Variants in LUC7L3 observed in about 807,000 individuals in gnomAD.
The protein encoded by LUC7L3 is luc7-like protein 3.
LUC7L3 carries 6 observed loss-of-function variants against 66.8 expected under a neutral mutation model. The observed-to-expected ratio is 0.09, with a 90% CI of 0.05 to 0.18. The LOEUF (loss-of-function observed/expected upper bound fraction) is 0.18, where lower values mean the gene tolerates loss of function less well. Among genes scored for constraint, LUC7L3 ranks in the 10% least tolerant of loss-of-function variants. The pLI, the probability that LUC7L3 is intolerant of heterozygous loss-of-function variation, is 1.00. For synonymous variants in LUC7L3, 160 were observed against 174.7 expected, an observed-to-expected ratio of 0.92 and a Z score of 0.66; for missense variants, 341 against 531.1, an observed-to-expected ratio of 0.64 and a Z score of 3.52.
At chr17:50,721,632 C>T (rs1024137895) in intron 1 of LUC7L3, among the ~76,000 whole-genome samples, 1 of 152,198 alleles carries the variant, frequency 6.6e-6, no homozygotes, top group African/African-American at 2.4e-5. Context: ...TGAGCAAAAA[C>T]AAAGCACATG....
chr17:50,741,710 A>G lies in LUC7L3; in HGVS notation c.405A>G (p.Lys135=). The stretch of plus-strand genomic sequence containing the variant: ...AAAAAATTCAGGTTCTAACAGACAA[A>G]ATTGATGTACTTCTGCAACAGGTGA... ...NEEKIQVLTD[K]IDVLLQQIEE... is the part of the protein sequence containing the mutation. The change falls in exon 5 of 10, where the codon AAA becomes AAG. Residue 135 remains lysine (K), a synonymous_variant. Coordinates refer to ENST00000505658, the MANE Select transcript of LUC7L3 (RefSeq NM_016424.5). The G allele has an allele frequency of 6.2e-7, 1 of 1,613,928 alleles. No homozygotes were observed. The highest frequency in any genetic ancestry group is 1.3e-5 in the African/African-American group (1 of 75,056).
chr17:50,724,036 CT>C (rs1483774422), intron 1 of LUC7L3: 1 of 443,990 alleles, frequency 2.3e-6, no homozygotes, highest in Non-Finnish European at 4.6e-6. Flanking sequence ...ATTTGCTTTT[CT>C]TCCCAAAACA....
At chr17:50,747,085 T>A (rs910496172) in intron 9 of LUC7L3, among the ~76,000 whole-genome samples, 3 of 152,148 alleles carry the variant, frequency 2.0e-5, no homozygotes, top group African/African-American at 7.2e-5. Context: ...GAGTGTACAT[T>A]GTTGCATTAA....
Position 50,719,704 on chromosome 17 carries a change from G to C in LUC7L3, c.-29G>C, listed in dbSNP as rs1310732636. On this transcript the variant is annotated 5_prime_UTR_variant, in exon 1 of 10. Coordinates refer to ENST00000505658, the MANE Select transcript of LUC7L3 (RefSeq NM_016424.5). ...GTTTTCGTTGGCGGGTGCCTGGGCT[G>C]GTGGGAACAGCCGCCCGAAGGAAGC... 6.3e-7 allele frequency: 1 copy of C among 1,586,214 alleles called. No homozygotes were observed.
chr17:50,752,185 A>G lies in LUC7L3; in HGVS notation c.*1524A>G. The G allele has an allele frequency of 1.6e-6, 2 of 1,283,970 alleles. No homozygotes were observed. The highest frequency in any genetic ancestry group is 2.0e-6 in the Non-Finnish European group (2 of 986,302). 79.5% of individuals were successfully genotyped at this position (1,283,970 alleles called of 1,614,324 possible). ...GTTGTCTAATTATCATTTTTCCCCA[A>G]ATTTTGCGTTGTAGGACTACTGTTC... On this transcript the variant is annotated 3_prime_UTR_variant, in exon 10 of 10. Coordinates refer to ENST00000505658, the MANE Select transcript of LUC7L3 (RefSeq NM_016424.5).
At chr17:50,736,398 A>T (rs1371828151) in intron 1 of LUC7L3, among the ~76,000 whole-genome samples, 2 of 152,144 alleles carry the variant, frequency 1.3e-5, no homozygotes, top group East Asian at 1.9e-4. Flanking sequence ...TTTGAGACCA[A>T]CCTGGGCAAT....
rs777664301 is a variant in LUC7L3, at chr17:50,754,337, CTTT to C, written c.*3678_*3680del. ...TCATCACCAACAAGACTCATGACCA[CTTT>C]TATACTTCATGAGTGATTGTATTTG... On this transcript the variant is annotated 3_prime_UTR_variant, in exon 10 of 10. Transcript: ENST00000505658. The C allele has an allele frequency of 1.4e-4, 21 of 152,162 alleles. No homozygotes were observed. Among genetic ancestry groups the C allele is most frequent in the Admixed American group, 2.6e-4 (4 of 15,272 alleles). The allele number at this position is 152,162 out of a possible 1,614,324, so 9.4% of individuals were successfully genotyped here. A position where few individuals can be genotyped will look rare whatever the true frequency, so the allele number is the denominator to read the frequency against.
At chr17:50,727,646 A>G (rs1567858409) in intron 1 of LUC7L3, among the ~76,000 whole-genome samples, 1 of 152,206 alleles carries the variant, frequency 6.6e-6, no homozygotes, top group Non-Finnish European at 1.5e-5. Flanking sequence ...TACCTAAAGG[A>G]TTGGCAGGAA....
rs192451527 is a variant in LUC7L3 at position 50,728,295 on chromosome 17, A to G, written c.99+8464A>G. On this transcript the variant is annotated intron_variant, in intron 1 of 9. Coordinates refer to ENST00000505658, the MANE Select transcript of LUC7L3 (RefSeq NM_016424.5). ...CAATAAATAGTGAATCATACCTGCA[A>G]AGGTATACGTAATAAAATTAAAGGC... 7.2e-3 allele frequency among the ~76,000 whole-genome samples: 1,094 copies of G among 152,308 alleles called. 8 individuals carry two copies. Among genetic ancestry groups the G allele is most frequent in the South Asian group, 0.024 (116 of 4,828 alleles).
chr17:50,731,269 A>G (rs866528351), intron 1 of LUC7L3, among the ~76,000 whole-genome samples: 5 of 152,120 alleles, frequency 3.3e-5, no homozygotes, highest in South Asian at 4.1e-4. Context: ...CCCGGGTTCA[A>G]GCGATTCTCC....
At chr17:50,748,643 A>C (rs1970824299) in intron 9 of LUC7L3, among the ~76,000 whole-genome samples, 1 of 152,080 alleles carries the variant, frequency 6.6e-6, no homozygotes, top group South Asian at 2.1e-4. Context: ...ACTTTTCGTT[A>C]AGCGGAATAA....
intron 9 of LUC7L3, among the ~76,000 whole-genome samples, chr17:50,750,205 G>GT (rs1400544485): frequency 5.9e-5 from 9 of 151,998 alleles, no homozygotes; most frequent in Non-Finnish European, 8.8e-5. Context: ...GCTTTTTGAT[G>GT]TTTTTTACCC....
rs181738653 is a variant in LUC7L3, at chr17:50,754,736, C to T, written c.*4075C>T. The T allele has an allele frequency of 2.0e-5, 3 of 152,200 alleles. No homozygotes were observed. The highest frequency in any genetic ancestry group is 7.2e-5 in the African/African-American group (3 of 41,546). The allele number at this position is 152,200 out of a possible 1,614,324, so 9.4% of individuals were successfully genotyped here. A position where few individuals can be genotyped will look rare whatever the true frequency, so the allele number is the denominator to read the frequency against. ...GATCTTGAGCTTATAATAACCTAGT[C>T]ATATTGCTCAGCTCAGATATTTTTA... On this transcript the variant is annotated 3_prime_UTR_variant, in exon 10 of 10. Coordinates refer to ENST00000505658, the MANE Select transcript of LUC7L3 (RefSeq NM_016424.5).
In LUC7L3 at chr17:50,755,936, C is replaced by T. The variant is rs1162899306; in HGVS notation, c.*5275C>T. The T allele has an allele frequency of 6.6e-6, 1 of 151,854 alleles. No individual in the cohort carries two copies. The highest frequency in any genetic ancestry group is 2.1e-4 in the South Asian group (1 of 4,814). The allele number at this position is 151,854 out of a possible 1,614,324, so 9.4% of individuals were successfully genotyped here. ...GGACAAAACTCAACAATAGAAGGAT[C>T]AAAAAAAGCAAGTCACAGAAGAATA... On this transcript the variant is annotated 3_prime_UTR_variant, in exon 10 of 10. Coordinates refer to ENST00000505658, the MANE Select transcript of LUC7L3 (RefSeq NM_016424.5).
intron 1 of LUC7L3, among the ~76,000 whole-genome samples, chr17:50,721,227 T>A (rs1406810633): frequency 6.6e-6 from 1 of 152,056 alleles, no homozygotes; most frequent in East Asian, 1.9e-4. Context: ...GTTCAATAGG[T>A]TATTTGTATA....
chr17:50,743,841 C>T lies in LUC7L3; in HGVS notation c.531+31C>T, dbSNP rs748924321. The T allele has an allele frequency of 9.7e-6, 14 of 1,442,338 alleles. No individual in the cohort carries two copies. In the East Asian group the frequency reaches 3.0e-4, roughly 30 times the overall value. 89.3% of individuals were successfully genotyped at this position (1,442,338 alleles called of 1,614,324 possible). On this transcript the variant is annotated intron_variant, in intron 6 of 9. Coordinates refer to ENST00000505658, the MANE Select transcript of LUC7L3 (RefSeq NM_016424.5). The stretch of plus-strand genomic sequence containing the variant: ...TAAACCTTATTTCACATTATCTCAT[C>T]TGTCTGTTAACAGTTAGTAGGAACT...
rs1008771680 is a variant in LUC7L3, at chr17:50,739,785, A to T, written c.167-521A>T. On this transcript the variant is annotated intron_variant, in intron 2 of 9. Transcript: ENST00000505658. ...AGTGTTTATTTATCCAAAAATTTTG[A>T]TGTCTAGGATTGATAAATAGCAAAA... 3.3e-5 allele frequency among the ~76,000 whole-genome samples: 5 copies of T among 152,308 alleles called. No individual in the cohort carries two copies. The East Asian group carries it at 5.8e-4, about 18-fold the overall frequency.
At position 50,754,434 on chromosome 17, in the gene LUC7L3, T is replaced by G. The variant is rs1040017421; in HGVS notation, c.*3773T>G. On this transcript the variant is annotated 3_prime_UTR_variant, in exon 10 of 10. Transcript: ENST00000505658. ...CATTTAATCTGTAAATAATTCAGCATGTATCTCTAAAAGACAAAGACCTCT... is the reference window on the plus strand; with the variant it reads ...CATTTAATCTGTAAATAATTCAGCAGGTATCTCTAAAAGACAAAGACCTCT... 3 of 152,208 alleles carry G rather than the reference T, an allele frequency of 2.0e-5. No individual in the cohort carries two copies. Among genetic ancestry groups the G allele is most frequent in the African/African-American group, 7.2e-5 (3 of 41,452 alleles). The allele number at this position is 152,208 out of a possible 1,614,324, so 9.4% of individuals were successfully genotyped here.
rs749332609 is a variant in LUC7L3 at position 50,746,560 on chromosome 17, A to G, written c.996A>G (p.Arg332=). The G allele has an allele frequency of 1.9e-6, 3 of 1,612,890 alleles. No homozygotes were observed. The highest frequency in any genetic ancestry group is 2.5e-6 in the Non-Finnish European group (3 of 1,179,732). The change falls in exon 9 of 10, where the codon AGA becomes AGG. Residue 332 remains arginine (R), a synonymous_variant. Transcript: ENST00000505658. ...TATTAAGAAGTAGAGATCGACGAAG[A>G]AGCAGAAGCCATGATCGATCAGAAA... The part of the protein sequence containing the change: ...RRRSRSRDRR[R]SRSHDRSERK...
Sources: gnomAD v4.1 joint callset for allele counts (sites outside exome capture counted in the v4.1 genomes callset) on GRCh38, gnomAD v4.1.1 for gene constraint, MANE v1.5 for transcripts, NCBI Gene and HGNC (gene_info 2026-07-23, HGNC 2026-07-21) for gene names.